ATP2A3: variants seen among roughly 807,000 people sequenced by gnomAD.
The protein encoded by ATP2A3 is sarcoplasmic/endoplasmic reticulum calcium ATPase 3.
In ATP2A3, 61 loss-of-function variants were observed where a neutral mutation model predicts 106.8. The ratio of observed to expected loss-of-function variants is 0.57; its 90% CI spans 0.46 to 0.71. The LOEUF (loss-of-function observed/expected upper bound fraction) is 0.71. ATP2A3 is among the 30% of genes least tolerant of loss of function. ATP2A3 has a pLI of 0.00. For synonymous variants in ATP2A3, 611 were observed against 609.3 expected (o/e 1.00, Z -0.04); for missense variants, 1,201 against 1,423.5 (o/e 0.84, Z 2.52).
chr17:3,925,420 G>T lies in ATP2A3; in HGVS notation c.*2C>A. Reference sequence around the variant, plus strand: ...CCGGAGACTCCACTCTGTTCCCAGCGCTCACTTCTGGCTCATTTCTTCTGG... The same window carrying T: ...CCGGAGACTCCACTCTGTTCCCAGCTCTCACTTCTGGCTCATTTCTTCTGG... On this transcript the variant is annotated 3_prime_UTR_variant, in exon 21 of 21. Coordinates refer to ENST00000397041, the MANE Select transcript of ATP2A3 (RefSeq NM_005173.4). This position sits in a 1 kb window ranked among gnomAD's most constrained non-coding sequence, Gnocchi z 4.2. The T allele has an allele frequency of 6.2e-7, 1 of 1,613,758 alleles. No homozygotes were observed. The highest frequency in any genetic ancestry group is 8.5e-7 in the Non-Finnish European group (1 of 1,179,924).
chr17:3,944,706 CGTT>C lies in ATP2A3; in HGVS notation c.1282_1284del (p.Asn428del), dbSNP rs1440793248. On this transcript the variant is annotated inframe_deletion, in exon 10 of 21. Transcript: ENST00000397041. ...TCATGAAAGGGGGTGAGGCCCACCTCGTTGTAGTCCAGAGCCGAGTCGTTGCAC... is the reference window on the plus strand; with the variant it reads ...TCATGAAAGGGGGTGAGGCCCACCTCGTAGTCCAGAGCCGAGTCGTTGCAC... The C allele has an allele frequency of 6.2e-7, 1 of 1,612,778 alleles. No individual in the cohort carries two copies. The highest frequency in any genetic ancestry group is 8.5e-7 in the Non-Finnish European group (1 of 1,179,468).
At chr17:3,954,485 A>G (rs2144692713) in intron 1 of ATP2A3, among the ~76,000 whole-genome samples, 1 of 145,422 alleles carries the variant, frequency 6.9e-6, no homozygotes, top group South Asian at 2.2e-4. Flanking sequence ...ACCCACCTCA[A>G]TTGAGGTGCT....
chr17:3,951,048 AAGG>A (rs1283792958), intron 5 of ATP2A3, among the ~76,000 whole-genome samples, 200 bp downstream of exon 5: 1 of 151,804 alleles, frequency 6.6e-6, no homozygotes, highest in East Asian at 1.9e-4. Flanking sequence ...CACATAATAA[AAGG>A]AGGAGGCCCC....
intron 1 of ATP2A3, among the ~76,000 whole-genome samples, chr17:3,960,638 G>C (rs1375760103): frequency 1.3e-5 from 2 of 152,232 alleles, no homozygotes; most frequent in Non-Finnish European, 2.9e-5. Context: ...CATATGAAAA[G>C]ACACCCAATG....
In ATP2A3 at chr17:3,925,573, G is replaced by T; in HGVS notation, c.2981-132C>A. ...GGCTCCCAAGGCCTCCCTTAGTCCA[G>T]ACCTCAGTCTACCCCAGCCCCACCG... On this transcript the variant is annotated intron_variant, in intron 20 of 20. Transcript: ENST00000397041. This position sits in a 1 kb window ranked among gnomAD's most constrained non-coding sequence, Gnocchi z 4.2. 1 of 1,167,830 alleles carries T rather than the reference G, an allele frequency of 8.6e-7. No homozygotes were observed. Among genetic ancestry groups the T allele is most frequent in the Non-Finnish European group, 1.2e-6 (1 of 811,588 alleles). The allele number at this position is 1,167,830 out of a possible 1,614,324, so 72.3% of individuals were successfully genotyped here. A position where few individuals can be genotyped will look rare whatever the true frequency, so the allele number is the denominator to read the frequency against.
Position 3,964,311 on chromosome 17 carries a change from G to C in ATP2A3, c.-20C>G. The C allele has an allele frequency of 1.6e-6, 2 of 1,216,900 alleles. No individual in the cohort carries two copies. Among genetic ancestry groups the C allele is most frequent in the Non-Finnish European group, 2.1e-6 (2 of 963,662 alleles). The allele number at this position is 1,216,900 out of a possible 1,614,324, so 75.4% of individuals were successfully genotyped here. On this transcript the variant is annotated 5_prime_UTR_variant, in exon 1 of 21. Transcript: ENST00000397041. ...CTCCATGCCGCCCGCCCGGCCGTCT[G>C]CGCCGTCCGCACCGTCGAGGCCGCC... is the stretch of plus-strand genomic sequence containing the variant.
intron 5 of ATP2A3, 126 bp downstream of exon 5, chr17:3,951,125 A>G: frequency 1.0e-6 from 1 of 998,896 alleles, no homozygotes; most frequent in Admixed American, 3.6e-5. Context: ...GTGAGCCGAG[A>G]TTGCGCCACT....
intron 1 of ATP2A3, among the ~76,000 whole-genome samples, chr17:3,956,387 G>A (rs2054782691): frequency 6.6e-6 from 1 of 152,196 alleles, no homozygotes; most frequent in Admixed American, 6.5e-5. Flanking sequence ...GTGCCAGGTT[G>A]GAGCATTGAC....
At chr17:3,945,870 A>T (rs1597631403) in intron 8 of ATP2A3, among the ~76,000 whole-genome samples, 1 of 151,216 alleles carries the variant, frequency 6.6e-6, no homozygotes, top group East Asian at 2.0e-4. Context: ...TCTCCTCCCT[A>T]CTCCTGGGGG....
At chr17:3,927,663 C>T (rs1198248315) in intron 20 of ATP2A3, 2 of 984,814 alleles carry the variant, frequency 2.0e-6, no homozygotes, top group Admixed American at 6.2e-5. Context: ...CAGCTCCCCC[C>T]ACCCCCACCC....
rs145074847 is a variant in ATP2A3, at chr17:3,937,565, C to T, written c.2172G>A (p.Thr724=). ...AEIGIAMGSG[T]AVAKSAAEMV... is the part of the protein sequence containing the mutation. ...TCTCTGCCGCCGACTTGGCCACGGC[C>T]GTGCCTGAGCCCATGGCGATGCCGA... The change falls in exon 15 of 21, where the codon ACG becomes ACA. Residue 724 remains threonine, a synonymous_variant. Transcript: ENST00000397041. 1.5e-4 allele frequency: 236 copies of T among 1,614,106 alleles called. 1 individual carries two copies. The African/African-American group carries it at 2.3e-3, about 15-fold the overall frequency.
At position 3,947,908 on chromosome 17, in the gene ATP2A3, A is replaced by C. The variant is rs2054210437; in HGVS notation, c.631-53T>G. The C allele has an allele frequency of 2.6e-6, 4 of 1,561,226 alleles. No individual in the cohort carries two copies. The highest frequency in any genetic ancestry group is 3.4e-5 in the Admixed American group (2 of 59,092). On this transcript the variant is annotated intron_variant, in intron 7 of 20. Coordinates refer to ENST00000397041, the MANE Select transcript of ATP2A3 (RefSeq NM_005173.4). The surrounding 1 kb of genome is among the most constrained non-coding windows in gnomAD (Gnocchi z 7.7). ...CTGCTCAGCAGCCAACCAGGGGCCC[A>C]GGACCCCTGACTCCTTCAGGCCGGA...
intron 1 of ATP2A3, among the ~76,000 whole-genome samples, chr17:3,962,678 C>T (rs1204731122): frequency 1.3e-5 from 2 of 152,040 alleles, no homozygotes; most frequent in Non-Finnish European, 2.9e-5. Flanking sequence ...CCAGTCAGTT[C>T]CTCCTCCGCT....
intron 1 of ATP2A3, among the ~76,000 whole-genome samples, chr17:3,962,688 T>G (rs992757618): frequency 1.3e-5 from 2 of 150,482 alleles, no homozygotes; most frequent in Admixed American, 1.3e-4. Context: ...CCTCCTCCGC[T>G]GGACCAATGA....
At chr17:3,932,303 G>A (rs887181090) in intron 17 of ATP2A3, among the ~76,000 whole-genome samples, 1 of 151,956 alleles carries the variant, frequency 6.6e-6, no homozygotes, top group Non-Finnish European at 1.5e-5. Context: ...GCCACCACCC[G>A]TGGCTAATTT....
At chr17:3,943,599 C>A in intron 10 of ATP2A3, 77 bp from the exon 11 acceptor site, 1 of 1,552,904 alleles carries the variant, frequency 6.4e-7, no homozygotes, top group Non-Finnish European at 8.7e-7. Flanking sequence ...TCACTCCTTG[C>A]CCCTGCAGCT....
At position 3,929,519 on chromosome 17, in the gene ATP2A3, G is replaced by A. The variant is rs1450243348; in HGVS notation, c.2745-74C>T. On this transcript the variant is annotated intron_variant, in intron 18 of 20. Transcript: ENST00000397041. This position sits in a 1 kb window ranked among gnomAD's most constrained non-coding sequence, Gnocchi z 4.3. ...TGCCAGGCACCCACCCCCATGGGAG[G>A]AGCCTCACCACTTCTCTAGCGGTGC... is the stretch of plus-strand genomic sequence containing the variant. 2.3e-6 allele frequency: 3 copies of A among 1,284,582 alleles called. No homozygotes were observed. Among genetic ancestry groups the A allele is most frequent in the South Asian group, 2.6e-5 (2 of 77,850 alleles). The allele number at this position is 1,284,582 out of a possible 1,614,324, so 79.6% of individuals were successfully genotyped here.
chr17:3,942,128 C>G (rs946730365), intron 12 of ATP2A3, among the ~76,000 whole-genome samples: 9 of 152,198 alleles, frequency 5.9e-5, no homozygotes, highest in Non-Finnish European at 1.0e-4. Context: ...GGATGACAGG[C>G]CCCTCAGTGG....
chr17:3,942,511 C>T, intron 12 of ATP2A3, 95 bp downstream of exon 12: 2 of 1,527,416 alleles, frequency 1.3e-6, no homozygotes, highest in South Asian at 1.2e-5. Context: ...CCCAACCCTG[C>T]CATTCACACG....
Sources: allele counts gnomAD v4.1 joint callset (sites outside exome capture counted in the v4.1 genomes callset), GRCh38; gene constraint gnomAD v4.1.1; non-coding constraint Gnocchi (gnomAD v3.1); transcripts MANE v1.5; gene names NCBI Gene and HGNC (gene_info 2026-07-23, HGNC 2026-07-21).